Variants in SLC17A3 observed in about 807,000 individuals in gnomAD.
SLC17A3 encodes the protein sodium-dependent phosphate transport protein 4.
In SLC17A3, 61 loss-of-function variants were observed where a neutral mutation model predicts 60.3. The observed-to-expected ratio is 1.01, with a 90% CI of 0.82 to 1.25. SLC17A3 has a LOEUF of 1.25. Among genes scored for constraint, SLC17A3 ranks in the 50% most tolerant of loss-of-function variants. The pLI, the probability that SLC17A3 is intolerant of heterozygous loss-of-function variation, is 0.00. For missense variants in SLC17A3, 624 were observed against 594.9 expected (o/e 1.05, Z -0.51); for synonymous variants, 192 against 208.9 (o/e 0.92, Z 0.70).
At chr6:25,865,478 G>A (rs1765519337) in intron 2 of SLC17A3, among the ~76,000 whole-genome samples, 1 of 151,852 alleles carries the variant, frequency 6.6e-6, no homozygotes, top group African/African-American at 2.4e-5. Flanking sequence ...CTAATAATTT[G>A]TGAGTTCTTG....
At chr6:25,869,805 C>A (rs1311338249) in intron 1 of SLC17A3, among the ~76,000 whole-genome samples, 1 of 151,948 alleles carries the variant, frequency 6.6e-6, no homozygotes, top group East Asian at 1.9e-4. Flanking sequence ...ATGTGGACCA[C>A]AATTCAAGAT....
At chr6:25,869,201 A>G (rs1445918037) in intron 1 of SLC17A3, among the ~76,000 whole-genome samples, 1 of 151,984 alleles carries the variant, frequency 6.6e-6, no homozygotes, top group East Asian at 1.9e-4. Flanking sequence ...CAATACTAGG[A>G]TCTTCAATGC....
intron 5 of SLC17A3, among the ~76,000 whole-genome samples, chr6:25,856,831 A>G (rs1765364534): frequency 6.9e-6 from 1 of 145,038 alleles, no homozygotes; most frequent in African/African-American, 2.6e-5. Flanking sequence ...TGGGCGACAG[A>G]GTGAGACTCT....
chr6:25,848,682 C>T (rs189001963), intron 11 of SLC17A3, among the ~76,000 whole-genome samples: 86 of 152,094 alleles, frequency 5.7e-4, no homozygotes, highest in African/African-American at 1.2e-3. Flanking sequence ...TTCTAGACAC[C>T]GGCTTAGGCA....
chr6:25,868,367 C>G lies in SLC17A3; in HGVS notation c.21G>C (p.Leu7Phe), dbSNP rs1240802709. The change falls in exon 2 of 13, where the codon TTG becomes TTC. Residue 7 changes from leucine (L) to phenylalanine (F), a missense_variant. Leu to Phe is a conservative substitution (Grantham distance 22). Transcript: ENST00000397060. The stretch of plus-strand genomic sequence containing the variant: ...TCTTGCTCTCCCTTGCTGTGGGACT[C>G]AACTCTGTCTTGGTGGCCATTGTGT... Reference protein sequence around the residue: MATKTELSPTARESKNA... With the variant: MATKTEFSPTARESKNA... The G allele has an allele frequency of 4.3e-6, 7 of 1,611,910 alleles. No homozygotes were observed. The highest frequency in any genetic ancestry group is 5.9e-6 in the Non-Finnish European group (7 of 1,178,724).
intron 6 of SLC17A3, 31 bp from the exon 7 acceptor site, chr6:25,850,908 G>A: frequency 6.6e-7 from 1 of 1,514,156 alleles, no homozygotes; most frequent in East Asian, 2.3e-5. Flanking sequence ...TGGTAAATGG[G>A]CTGTTTTCTG....
chr6:25,846,042 A>G (rs906848199), intron 11 of SLC17A3, among the ~76,000 whole-genome samples: 1 of 152,240 alleles, frequency 6.6e-6, no homozygotes. Flanking sequence ...ATACCTATGC[A>G]TACATCACAC....
At chr6:25,863,200 C>A (rs941286215) in intron 2 of SLC17A3, among the ~76,000 whole-genome samples, 1 of 151,944 alleles carries the variant, frequency 6.6e-6, no homozygotes. Context: ...ATAGGGAAAT[C>A]GGCATTTATG....
At chr6:25,847,976 TGTGA>T (rs564566107) in intron 11 of SLC17A3, among the ~76,000 whole-genome samples, 50 of 152,294 alleles carry the variant, frequency 3.3e-4, no homozygotes, top group African/African-American at 1.2e-3. Context: ...AGCTCCCACT[TGTGA>T]GTGAGAATGT....
At chr6:25,868,625 GC>G in intron 1 of SLC17A3, 1 of 496,298 alleles carries the variant, frequency 2.0e-6, no homozygotes, top group Non-Finnish European at 3.6e-6. Context: ...GATCTAGAGT[GC>G]TCTTGGTGTG....
intron 5 of SLC17A3, among the ~76,000 whole-genome samples, chr6:25,856,567 G>A (rs1765359202): frequency 6.6e-6 from 1 of 152,152 alleles, no homozygotes; most frequent in Non-Finnish European, 1.5e-5. Context: ...TGCCTTTCTG[G>A]CCGGGCGCAG....
At chr6:25,873,864 G>C (rs1040151070) in intron 1 of SLC17A3, among the ~76,000 whole-genome samples, 4 of 152,054 alleles carry the variant, frequency 2.6e-5, no homozygotes, top group Non-Finnish European at 5.9e-5. Flanking sequence ...AAGCCAGTTT[G>C]ACCTGCAAAA....
intron 2 of SLC17A3, 65 bp from the exon 3 acceptor site, chr6:25,862,509 A>T: frequency 1.5e-6 from 2 of 1,300,090 alleles, no homozygotes; most frequent in South Asian, 2.4e-5. Flanking sequence ...TTTTCACAAG[A>T]TATGATTTAA....
intron 6 of SLC17A3, among the ~76,000 whole-genome samples, chr6:25,851,705 G>A (rs534845064): frequency 6.6e-6 from 1 of 151,980 alleles, no homozygotes; most frequent in African/African-American, 2.4e-5. Flanking sequence ...TTTATATGAA[G>A]TAAATAGAAT....
At position 25,862,595 on chromosome 6, in the gene SLC17A3, A is replaced by G. The variant is rs564056592; in HGVS notation, c.92-151T>C. 1.1e-4 allele frequency: 84 copies of G among 732,622 alleles called. No homozygotes were observed. The African/African-American group carries it at 1.4e-3, about 12-fold the overall frequency. 45.4% of individuals were successfully genotyped at this position (732,622 alleles called of 1,614,324 possible). A position where few individuals can be genotyped will look rare whatever the true frequency, so the allele number is the denominator to read the frequency against. On this transcript the variant is annotated intron_variant, in intron 2 of 12. Coordinates refer to ENST00000397060, the MANE Select transcript of SLC17A3 (RefSeq NM_001098486.2). ...GTTGGCTTTATGAAAGGAAGATACA[A>G]AAGGAGATCACTGAGTTGAGCTAAA...
chr6:25,852,688 T>C (rs2151520507), intron 6 of SLC17A3, among the ~76,000 whole-genome samples: 1 of 152,216 alleles, frequency 6.6e-6, no homozygotes, highest in East Asian at 1.9e-4. Flanking sequence ...ATTTACTATG[T>C]CTCCACTTAA....
Position 25,859,229 on chromosome 6 carries a change from C to T in SLC17A3, c.625+2395G>A, listed in dbSNP as rs561822087. Among the ~76,000 whole-genome samples, 11 of 152,138 alleles carry T rather than the reference C, an allele frequency of 7.2e-5. No individual in the cohort carries two copies. In the South Asian group the frequency reaches 2.3e-3, roughly 32 times the overall value. ...ATATAGATATAAAAGGATATGAAGA[C>T]CAAGAGACAAATAATATTAGTCAGG... On this transcript the variant is annotated intron_variant, in intron 5 of 12. Coordinates refer to ENST00000397060, the MANE Select transcript of SLC17A3 (RefSeq NM_001098486.2).
Position 25,861,151 on chromosome 6 carries a change from A to G in SLC17A3, c.625+473T>C, listed in dbSNP as rs535512071. 2.6e-5 allele frequency among the ~76,000 whole-genome samples: 4 copies of G among 152,308 alleles called. No individual in the cohort carries two copies. The South Asian group carries it at 8.3e-4, about 32-fold the overall frequency. On this transcript the variant is annotated intron_variant, in intron 5 of 12. Transcript: ENST00000397060. ...CCAGAATATTCATTCAGAGCACAGTATCCAGGCAGATCATTGTCAGCAAGA... is the reference window on the plus strand; with the variant it reads ...CCAGAATATTCATTCAGAGCACAGTGTCCAGGCAGATCATTGTCAGCAAGA...
rs773437633 is a variant in SLC17A3 at position 25,861,831 on chromosome 6, G to A, written c.502C>T (p.Leu168Phe). The A allele has an allele frequency of 6.2e-7, 1 of 1,613,466 alleles. No homozygotes were observed. Among genetic ancestry groups the A allele is most frequent in the East Asian group, 2.2e-5 (1 of 44,880 alleles). The change falls in exon 4 of 13, where the codon CTC becomes TTC. Residue 168 changes from leucine (L) to phenylalanine (F), a missense_variant. Physicochemically the swap from Leu to Phe is conservative, Grantham distance 22. Coordinates refer to ENST00000397060, the MANE Select transcript of SLC17A3 (RefSeq NM_001098486.2). ...PLATDFGIVLLIVTRIVQGLS... is the reference protein window; with the variant it reads ...PLATDFGIVLFIVTRIVQGLS... ...CCCTGGACTATTCGAGTTACAATGA[G>A]CAAGACTATTCCAAAGTCAGTGGCC...
Sources: allele counts gnomAD v4.1 joint callset (sites outside exome capture counted in the v4.1 genomes callset), GRCh38; gene constraint gnomAD v4.1.1; transcripts MANE v1.5; gene names NCBI Gene and HGNC (gene_info 2026-07-23, HGNC 2026-07-21).